The following MEI4 variants were observed in gnomAD, a reference collection of about 807,000 sequenced individuals.
MEI4 encodes the protein meiotic double-stranded break formation protein 4.
In MEI4, 27 loss-of-function variants were observed where a neutral mutation model predicts 31.4. The ratio of observed to expected loss-of-function variants is 0.86; its 90% confidence interval spans 0.63 to 1.19. MEI4 has a LOEUF of 1.19. Ranked by LOEUF, MEI4 falls within the 50% of genes most tolerant of loss-of-function variation. The pLI is 0.00. For missense variants in MEI4, 329 were observed against 398.9 expected, an observed-to-expected ratio of 0.82 and a Z score of 1.49; for synonymous variants, 122 against 145.4, an observed-to-expected ratio of 0.84 and a Z score of 1.16.
At chr6:77,823,558 T>C (rs1562002773) in intron 3 of MEI4, among the ~76,000 whole-genome samples, 1 of 152,216 alleles carries the variant, frequency 6.6e-6, no homozygotes, top group Non-Finnish European at 1.5e-5. Flanking sequence ...TGCTAGATGT[T>C]TTGGTTATTT....
chr6:77,825,096 A>G (rs924296776), intron 3 of MEI4, among the ~76,000 whole-genome samples: 28 of 152,274 alleles, frequency 1.8e-4, no homozygotes, highest in African/African-American at 6.7e-4. Context: ...AATTTGATGT[A>G]TCTGATATTA....
chr6:77,806,531 T>C (rs1769445986), intron 3 of MEI4, among the ~76,000 whole-genome samples: 1 of 152,150 alleles, frequency 6.6e-6, no homozygotes, highest in East Asian at 1.9e-4. Context: ...ATAGGGAAAG[T>C]TTTATATATA....
intron 3 of MEI4, among the ~76,000 whole-genome samples, chr6:77,806,779 G>A (rs1769451438): frequency 6.6e-6 from 1 of 152,116 alleles, no homozygotes; most frequent in African/African-American, 2.4e-5. Context: ...TTTATTAAGA[G>A]ATCAGGGATT....
chr6:77,708,445 C>A (rs1766379627), intron 2 of MEI4, among the ~76,000 whole-genome samples: 1 of 152,180 alleles, frequency 6.6e-6, no homozygotes, highest in South Asian at 2.1e-4. Context: ...TCTTGAGTCT[C>A]AGATGAGACT....
chr6:77,913,401 G>A (rs895045118), intron 4 of MEI4, among the ~76,000 whole-genome samples: 1 of 152,100 alleles, frequency 6.6e-6, no homozygotes, highest in Non-Finnish European at 1.5e-5. Flanking sequence ...CAACAGTGAA[G>A]CCATCCAGTC....
At chr6:77,676,998 T>C (rs555033372) in intron 1 of MEI4, among the ~76,000 whole-genome samples, 1 of 152,280 alleles carries the variant, frequency 6.6e-6, no homozygotes, top group South Asian at 2.1e-4. Context: ...AACATAGGCT[T>C]AGTCATTGTA....
intron 4 of MEI4, among the ~76,000 whole-genome samples, chr6:77,852,411 TTC>T (rs1431709281): frequency 6.6e-6 from 1 of 152,220 alleles, no homozygotes; most frequent in African/African-American, 2.4e-5. Context: ...ATTAGTTTTA[TTC>T]TGATAGTTTT....
At chr6:77,863,419 G>A (rs6933120) in intron 4 of MEI4, among the ~76,000 whole-genome samples, 21,130 of 151,796 alleles carry the variant, frequency 0.14, 1,743 homozygotes, top group East Asian at 0.39. Flanking sequence ...CCAAGGCACG[G>A]GAACTACGTG....
Position 77,924,200 on chromosome 6 carries a change from A to G in MEI4, c.*854A>G, listed in dbSNP as rs1419434993. On this transcript the variant is annotated 3_prime_UTR_variant, in exon 5 of 5. Transcript: ENST00000684080. ...ACCGCAAACTTAATGAGCATATGTT[A>G]CATTTCCTATAGTGCCATTTAGGGA... 6.6e-6 allele frequency: 1 copy of G among 151,852 alleles called. No homozygotes were observed. Among genetic ancestry groups the G allele is most frequent in the African/African-American group, 2.4e-5 (1 of 41,410 alleles). 9.4% of individuals were successfully genotyped at this position (151,852 alleles called of 1,614,324 possible). A position where few individuals can be genotyped will look rare whatever the true frequency, so the allele number is the denominator to read the frequency against.
At chr6:77,699,137 C>A (rs2127655521) in intron 2 of MEI4, among the ~76,000 whole-genome samples, 1 of 151,248 alleles carries the variant, frequency 6.6e-6, no homozygotes, top group African/African-American at 2.4e-5. Context: ...TTAAGGACTT[C>A]TCTGCACTGG....
chr6:77,739,237 C>G (rs571714904), intron 2 of MEI4, among the ~76,000 whole-genome samples: 22 of 151,874 alleles, frequency 1.4e-4, no homozygotes, highest in Non-Finnish European at 2.6e-4. Context: ...AGTCTTTAAC[C>G]CATCTTGAGT....
chr6:77,729,053 C>T (rs913707728), intron 2 of MEI4, among the ~76,000 whole-genome samples: 2 of 152,088 alleles, frequency 1.3e-5, no homozygotes, highest in African/African-American at 4.8e-5. Flanking sequence ...TGAAGAGAAG[C>T]CCCGGAAAGG....
At chr6:77,798,852 A>C (rs188624906) in intron 3 of MEI4, among the ~76,000 whole-genome samples, 1 of 151,810 alleles carries the variant, frequency 6.6e-6, no homozygotes, top group African/African-American at 2.4e-5. Flanking sequence ...GTAGTATTCC[A>C]TGGTGTATAT....
intron 4 of MEI4, among the ~76,000 whole-genome samples, chr6:77,916,848 C>T (rs957365929): frequency 6.6e-6 from 1 of 151,516 alleles, no homozygotes; most frequent in African/African-American, 2.4e-5. Context: ...ATACATGTGG[C>T]ATGCTGGTGC....
chr6:77,861,122 C>A (rs1235173886), intron 4 of MEI4, among the ~76,000 whole-genome samples: 2 of 152,194 alleles, frequency 1.3e-5, no homozygotes, highest in Admixed American at 6.5e-5. Context: ...ATGGTCACTT[C>A]ATTGTCTGCC....
intron 1 of MEI4, among the ~76,000 whole-genome samples, chr6:77,670,936 TAAAA>T (rs1008977912): frequency 6.6e-6 from 1 of 151,196 alleles, no homozygotes; most frequent in African/African-American, 2.4e-5. Flanking sequence ...GATTTATAAA[TAAAA>T]AAAATTACAA....
At chr6:77,869,099 G>A (rs1023825537) in intron 4 of MEI4, among the ~76,000 whole-genome samples, 4 of 152,122 alleles carry the variant, frequency 2.6e-5, no homozygotes, top group Non-Finnish European at 5.9e-5. Context: ...ACTGATTTAG[G>A]TGATGGGAAT....
At chr6:77,878,222 A>T (rs899705429) in intron 4 of MEI4, among the ~76,000 whole-genome samples, 1 of 78,930 alleles carries the variant, frequency 1.3e-5, no homozygotes, top group African/African-American at 3.4e-5. Flanking sequence ...GTAAATACAT[A>T]AAAAAACCTC....
intron 4 of MEI4, among the ~76,000 whole-genome samples, chr6:77,861,459 T>C (rs1770865597): frequency 6.6e-6 from 1 of 152,222 alleles, no homozygotes; most frequent in African/African-American, 2.4e-5. Flanking sequence ...TTTGTCAACA[T>C]AGATGAACTA....
Sources: gnomAD v4.1 joint callset for allele counts (sites outside exome capture counted in the v4.1 genomes callset) on GRCh38, gnomAD v4.1.1 for gene constraint, MANE v1.5 for transcripts, NCBI Gene and HGNC (gene_info 2026-07-23, HGNC 2026-07-21) for gene names.